Variants in MET observed in about 807,000 individuals in gnomAD.
The protein encoded by MET is hepatocyte growth factor receptor.
A neutral mutation model predicts 133.1 loss-of-function variants in MET; 48 were observed. That is an observed-to-expected ratio of 0.36 (90% CI 0.29 to 0.46). MET has a LOEUF of 0.46. Ranked by LOEUF, MET falls within the 20% of genes least tolerant of loss-of-function variation. MET has a pLI of 1.00. For missense variants in MET, 1,442 were observed against 1,695.9 expected (o/e 0.85, Z 2.63); for synonymous variants, 628 against 616.5 (o/e 1.02, Z -0.28).
At position 116,672,473 on chromosome 7, in the gene MET, A is replaced by G; in HGVS notation, c.-119A>G. 1 of 397,958 alleles carries G rather than the reference A, an allele frequency of 2.5e-6. No homozygotes were observed. Among genetic ancestry groups the G allele is most frequent in the Non-Finnish European group, 4.4e-6 (1 of 225,698 alleles). The allele number at this position is 397,958 out of a possible 1,614,324, so 24.7% of individuals were successfully genotyped here. ...CGGAGCCGAGTGGAGGGCGCGAGCC[A>G]GATGCGGGGCGACAGCTGACTTGCT... is the stretch of plus-strand genomic sequence containing the variant. On this transcript the variant is annotated 5_prime_UTR_variant, in exon 1 of 21. Transcript: ENST00000397752.
Position 116,798,166 on chromosome 7 carries a change from A to T in MET, c.*2042A>T, listed in dbSNP as rs1399308676. 5.6e-5 allele frequency: 12 copies of T among 215,820 alleles called. No individual in the cohort carries two copies. The highest frequency in any genetic ancestry group is 1.1e-4 in the Non-Finnish European group (12 of 106,848). The allele number at this position is 215,820 out of a possible 1,614,324, so 13.4% of individuals were successfully genotyped here. The stretch of plus-strand genomic sequence containing the variant: ...CCCATCAACAGGACTACACACTTGT[A>T]TATACATTCTTGAGAACACTGCAAT... On this transcript the variant is annotated 3_prime_UTR_variant, in exon 21 of 21. Transcript: ENST00000397752.
At chr7:116,717,481 T>C (rs73469188) in intron 2 of MET, among the ~76,000 whole-genome samples, 2,935 of 152,320 alleles carry the variant, frequency 0.019, 99 homozygotes, top group African/African-American at 0.067. Flanking sequence ...GTCAACTGTA[T>C]GAAAAGCTCT....
At chr7:116,735,806 T>A (rs1298998515) in intron 3 of MET, among the ~76,000 whole-genome samples, 1 of 146,840 alleles carries the variant, frequency 6.8e-6, no homozygotes, top group African/African-American at 2.5e-5. Context: ...TCACAGTGTC[T>A]CGCTCTGTTG....
At chr7:116,741,784 T>C (rs1358064569) in intron 5 of MET, among the ~76,000 whole-genome samples, 1 of 152,236 alleles carries the variant, frequency 6.6e-6, no homozygotes, top group Non-Finnish European at 1.5e-5. Context: ...AAATATTTAT[T>C]GAGTGCATAC....
chr7:116,767,948 C>T (rs973722101), intron 11 of MET, among the ~76,000 whole-genome samples: 2 of 148,070 alleles, frequency 1.4e-5, no homozygotes, highest in Non-Finnish European at 3.0e-5. Context: ...TGGGACTTTA[C>T]GCTTCTAATA....
intron 1 of MET, among the ~76,000 whole-genome samples, chr7:116,693,051 C>T (rs1486294607): frequency 6.6e-6 from 1 of 152,152 alleles, no homozygotes; most frequent in Non-Finnish European, 1.5e-5. Context: ...GAAAGTATTT[C>T]TGGAGTATTT....
intron 1 of MET, among the ~76,000 whole-genome samples, chr7:116,698,865 G>A (rs1190662710): frequency 6.6e-6 from 1 of 152,126 alleles, no homozygotes; most frequent in African/African-American, 2.4e-5. Flanking sequence ...TTCGTTCATG[G>A]CTTGAGTTCT....
At chr7:116,709,408 C>CA (rs1482114846) in intron 2 of MET, among the ~76,000 whole-genome samples, 1 of 152,126 alleles carries the variant, frequency 6.6e-6, no homozygotes, top group Admixed American at 6.5e-5. Context: ...ACACGATAAA[C>CA]AGAGACCATC....
intron 5 of MET, among the ~76,000 whole-genome samples, chr7:116,742,396 C>A (rs1415353248): frequency 6.6e-6 from 1 of 152,152 alleles, no homozygotes; most frequent in Admixed American, 6.5e-5. Flanking sequence ...GAACCGTATG[C>A]AATTTTATAC....
At chr7:116,773,963 C>T (rs1463388512) in intron 14 of MET, among the ~76,000 whole-genome samples, 1 of 152,150 alleles carries the variant, frequency 6.6e-6, no homozygotes, top group Non-Finnish European at 1.5e-5. Context: ...CCCCACATAA[C>T]CTTCTCCCTG....
Position 116,755,240 on chromosome 7 carries a change from A to G in MET, c.1702-115A>G, listed in dbSNP as rs1024405857. 4.8e-6 allele frequency: 6 copies of G among 1,252,176 alleles called. No homozygotes were observed. In the African/African-American group the frequency reaches 7.6e-5, roughly 16 times the overall value. The allele number at this position is 1,252,176 out of a possible 1,614,324, so 77.6% of individuals were successfully genotyped here. ...AATTAAATTTTTACTAAATTGTGGG[A>G]AAATGAAAGAATTTCAGACTATTTA... is the stretch of plus-strand genomic sequence containing the variant. On this transcript the variant is annotated intron_variant, in intron 5 of 20. Transcript: ENST00000397752.
intron 1 of MET, among the ~76,000 whole-genome samples, chr7:116,675,397 T>A (rs908710942): frequency 2.6e-4 from 39 of 152,198 alleles, no homozygotes; most frequent in Admixed American, 9.2e-4. Flanking sequence ...TTCAAAATCA[T>A]CCTATTTGCT....
intron 19 of MET, among the ~76,000 whole-genome samples, chr7:116,785,439 G>A (rs10435378): frequency 0.65 from 98,522 of 152,012 alleles, 33,728 homozygotes; most frequent in African/African-American, 0.9. Context: ...TATGGCAGGA[G>A]CAGGACCAAG....
At chr7:116,692,601 G>A (rs1427834943) in intron 1 of MET, among the ~76,000 whole-genome samples, 6 of 152,146 alleles carry the variant, frequency 3.9e-5, no homozygotes, top group Non-Finnish European at 7.4e-5. Flanking sequence ...GTGGGCAGAT[G>A]GTGGACAGAT....
At chr7:116,792,792 T>A (rs1795550440) in intron 19 of MET, among the ~76,000 whole-genome samples, 1 of 152,238 alleles carries the variant, frequency 6.6e-6, no homozygotes, top group Non-Finnish European at 1.5e-5. Flanking sequence ...TAGCGTAGAC[T>A]GTCAGATAGG....
chr7:116,695,686 C>A, intron 1 of MET: 1 of 426,266 alleles, frequency 2.3e-6, no homozygotes, highest in South Asian at 1.8e-5. Flanking sequence ...TTGGTTCTAA[C>A]TGTGTGATTT....
intron 14 of MET, among the ~76,000 whole-genome samples, chr7:116,774,251 T>G (rs948500064): frequency 1.3e-5 from 2 of 152,240 alleles, no homozygotes; most frequent in Admixed American, 1.3e-4. Flanking sequence ...CCTTTCATAG[T>G]GTCCTTAACT....
At position 116,796,015 on chromosome 7, in the gene MET, C is replaced by T. The variant is rs2117112371; in HGVS notation, c.4064C>T (p.Thr1355Ile). The T allele has an allele frequency of 6.2e-7, 1 of 1,614,000 alleles. No individual in the cohort carries two copies. The highest frequency in any genetic ancestry group is 8.5e-7 in the Non-Finnish European group (1 of 1,179,888). The change falls in exon 21 of 21, where the codon ACT becomes ATT. Residue 1355 changes from threonine (T) to isoleucine (I), a missense_variant. This residue lies in a region of MET where 94 missense variants were observed against 109.5 expected (regional missense o/e 0.86). Transcript: ENST00000397752. ...IGEHYVHVNATYVNVKCVAPY... is the reference protein window; with the variant it reads ...IGEHYVHVNAIYVNVKCVAPY... Reference sequence around the variant, plus strand: ...GAGCACTATGTCCATGTGAACGCTACTTATGTGAACGTAAAATGTGTCGCT... The same window carrying T: ...GAGCACTATGTCCATGTGAACGCTATTTATGTGAACGTAAAATGTGTCGCT...
intron 2 of MET, among the ~76,000 whole-genome samples, chr7:116,717,819 C>T (rs959055914): frequency 6.6e-6 from 1 of 152,132 alleles, no homozygotes; most frequent in African/African-American, 2.4e-5. Context: ...ATTACATATT[C>T]ACTGCATACA....
Sources: gnomAD v4.1 joint callset for allele counts (sites outside exome capture counted in the v4.1 genomes callset) on GRCh38, gnomAD v4.1.1 for gene constraint, gnomAD v4.1.1 regional missense constraint, MANE v1.5 for transcripts, NCBI Gene and HGNC (gene_info 2026-07-23, HGNC 2026-07-21) for gene names.